Variants in FARP1 observed in about 807,000 individuals in gnomAD.
FARP1 encodes FERM, ARH/RhoGEF and pleckstrin domain protein 1.
FARP1 carries 52 observed loss-of-function variants against 128.8 expected under a neutral mutation model. The ratio of observed to expected loss-of-function variants is 0.40; its 90% CI spans 0.32 to 0.51. The LOEUF is 0.51. Ranked by LOEUF, FARP1 falls within the 20% of genes least tolerant of loss-of-function variation. The pLI, the probability that FARP1 is intolerant of heterozygous loss-of-function variation, is 0.45. For synonymous variants in FARP1, 580 were observed against 551.8 expected (o/e 1.05, Z -0.72); for missense variants, 1,333 against 1,367.9 (o/e 0.97, Z 0.40).
At chr13:98,196,546 T>A (rs1045123994) in intron 1 of FARP1, among the ~76,000 whole-genome samples, 6 of 152,172 alleles carry the variant, frequency 3.9e-5, no homozygotes, top group African/African-American at 1.4e-4. Flanking sequence ...ACTTACTGTG[T>A]TTTCACATTC....
intron 2 of FARP1, among the ~76,000 whole-genome samples, chr13:98,326,865 T>G (rs931574148): frequency 6.6e-6 from 1 of 152,248 alleles, no homozygotes; most frequent in African/African-American, 2.4e-5. Context: ...TCATCTTCTT[T>G]TAGGGCATGT....
In FARP1 at chr13:98,340,052, T is replaced by C. The variant is rs1312456568; in HGVS notation, c.172-3710T>C. 2.6e-5 allele frequency among the ~76,000 whole-genome samples: 4 copies of C among 152,098 alleles called. No individual in the cohort carries two copies. The East Asian group carries it at 7.7e-4, about 29-fold the overall frequency. On this transcript the variant is annotated intron_variant, in intron 2 of 26. Coordinates refer to ENST00000319562, the MANE Select transcript of FARP1 (RefSeq NM_005766.4). ...TTCTAAAGCGCTCAGTTTAACACCA[T>C]GTCCATAAAGACATCCACTGTATAT...
chr13:98,430,968 C>T (rs1363468541), intron 17 of FARP1, 75 bp from the exon 18 acceptor site: 3 of 906,980 alleles, frequency 3.3e-6, no homozygotes, highest in African/African-American at 3.3e-5. Context: ...CTTCATTTCC[C>T]CAAGTGAAAC....
chr13:98,173,040 A>G (rs1877761633), intron 1 of FARP1, among the ~76,000 whole-genome samples: 1 of 152,236 alleles, frequency 6.6e-6, no homozygotes, highest in Admixed American at 6.5e-5. Context: ...CATAAATAAT[A>G]GTAGTTAAGG....
intron 1 of FARP1, among the ~76,000 whole-genome samples, chr13:98,181,303 A>G (rs1372817337): frequency 6.6e-6 from 1 of 152,194 alleles, no homozygotes; most frequent in African/African-American, 2.4e-5. Flanking sequence ...GCTGTGACCG[A>G]CAGCAAATGA....
At chr13:98,326,846 C>T (rs1887257737) in intron 2 of FARP1, among the ~76,000 whole-genome samples, 1 of 152,184 alleles carries the variant, frequency 6.6e-6, no homozygotes, top group African/African-American at 2.4e-5. Context: ...CCTAGGCAAA[C>T]CTCTGAACTC....
chr13:98,368,030 T>TTATTTG (rs1187822160), intron 4 of FARP1, 87 bp from the exon 5 acceptor site: 4 of 1,044,346 alleles, frequency 3.8e-6, no homozygotes, highest in Non-Finnish European at 5.8e-6. Flanking sequence ...ATGAGATGCA[T>TTATTTG]TATTTGTATT....
At chr13:98,395,661 C>T (rs1890504484) in intron 13 of FARP1, 185 bp downstream of exon 13, 1 of 699,582 alleles carries the variant, frequency 1.4e-6, no homozygotes, top group Non-Finnish European at 2.2e-6. Flanking sequence ...ATCTGCTGTC[C>T]AGGGAGGAGG....
At chr13:98,175,497 T>C (rs1185520642) in intron 1 of FARP1, among the ~76,000 whole-genome samples, 1 of 147,412 alleles carries the variant, frequency 6.8e-6, no homozygotes, top group Non-Finnish European at 1.5e-5. Context: ...TTTCTTCCTT[T>C]TCTGATATCT....
intron 2 of FARP1, among the ~76,000 whole-genome samples, chr13:98,281,585 A>G (rs1252922274): frequency 1.3e-5 from 2 of 152,140 alleles, no homozygotes; most frequent in African/African-American, 4.8e-5. Context: ...AAGCACAAGA[A>G]AGTCACTAAA....
intron 2 of FARP1, among the ~76,000 whole-genome samples, chr13:98,285,888 T>C (rs1490332612): frequency 2.6e-5 from 4 of 152,182 alleles, no homozygotes; most frequent in Admixed American, 2.0e-4. Context: ...TCCAGGCTAC[T>C]GTCTTCTCAC....
intron 17 of FARP1, among the ~76,000 whole-genome samples, chr13:98,428,984 G>A (rs79480238): frequency 0.014 from 2,205 of 152,356 alleles, 27 homozygotes; most frequent in Non-Finnish European, 0.025. Context: ...TCTGTGGGCT[G>A]TACCAATGTC....
At chr13:98,303,896 AC>A (rs1341212327) in intron 2 of FARP1, among the ~76,000 whole-genome samples, 1 of 152,216 alleles carries the variant, frequency 6.6e-6, no homozygotes, top group Non-Finnish European at 1.5e-5. Flanking sequence ...TGATTGAAAG[AC>A]CTGAAAGTTA....
chr13:98,365,643 G>A (rs1889051014), intron 4 of FARP1, among the ~76,000 whole-genome samples: 1 of 152,202 alleles, frequency 6.6e-6, no homozygotes, highest in Non-Finnish European at 1.5e-5. Context: ...AATCAAAACC[G>A]AGCTTGGAAA....
chr13:98,358,677 C>A (rs190715456), intron 3 of FARP1, among the ~76,000 whole-genome samples: 3 of 151,842 alleles, frequency 2.0e-5, no homozygotes, highest in Admixed American at 6.6e-5. Context: ...ACTCTGTCAC[C>A]CAGGCTGGAG....
At chr13:98,386,079 C>CGA in intron 8 of FARP1, 1 of 423,376 alleles carries the variant, frequency 2.4e-6, no homozygotes. Context: ...AAACATGTAG[C>CGA]TCTCCATGGA....
At chr13:98,246,465 A>G (rs1783921028) in intron 2 of FARP1, among the ~76,000 whole-genome samples, 1 of 152,112 alleles carries the variant, frequency 6.6e-6, no homozygotes, top group African/African-American at 2.4e-5. Flanking sequence ...TGTAACTTAA[A>G]AAAAAATTAG....
chr13:98,293,601 A>G lies in FARP1; in HGVS notation c.172-50161A>G, dbSNP rs139662351. ...ATGGCACAGGGATACTGTCAACAAT[A>G]TGTAAAATGTAGTCAGTCAGTGTAA... On this transcript the variant is annotated intron_variant, in intron 2 of 26. Transcript: ENST00000319562. 4.7e-3 allele frequency among the ~76,000 whole-genome samples: 722 copies of G among 152,298 alleles called. 9 individuals are homozygous for G. The highest frequency in any genetic ancestry group is 0.016 in the African/African-American group (660 of 41,562).
At chr13:98,192,364 A>T (rs1566723858) in intron 1 of FARP1, among the ~76,000 whole-genome samples, 1 of 151,962 alleles carries the variant, frequency 6.6e-6, no homozygotes, top group Admixed American at 6.6e-5. Flanking sequence ...TCACATTGCC[A>T]TCAACCCCAG....
Sources: gnomAD v4.1 joint callset for allele counts (sites outside exome capture counted in the v4.1 genomes callset) on GRCh38, gnomAD v4.1.1 for gene constraint, MANE v1.5 for transcripts, NCBI Gene and HGNC (gene_info 2026-07-23, HGNC 2026-07-21) for gene names.